The following AFDN variants were observed in gnomAD, a reference collection of about 807,000 sequenced individuals.
AFDN encodes the protein afadin.
In AFDN, 68 loss-of-function variants were observed where a neutral mutation model predicts 216.6. The ratio of observed to expected loss-of-function variants is 0.31; its 90% CI spans 0.26 to 0.38. The LOEUF (loss-of-function observed/expected upper bound fraction) is 0.38, where lower values mean the gene tolerates loss of function less well. Ranked by LOEUF, AFDN falls within the 10% of genes least tolerant of loss-of-function variation. The pLI is 1.00. For missense variants in AFDN, 2,136 were observed against 2,342.0 expected, an observed-to-expected ratio of 0.91 and a Z score of 1.82; for synonymous variants, 868 against 853.7, an observed-to-expected ratio of 1.02 and a Z score of -0.29.
At chr6:167,878,984 A>G (rs1562597827) in intron 5 of AFDN, among the ~76,000 whole-genome samples, 1 of 151,846 alleles carries the variant, frequency 6.6e-6, no homozygotes, top group East Asian at 1.9e-4. Flanking sequence ...ACAACCTTAT[A>G]TTTTTCACAA....
At chr6:167,947,231 G>C (rs1258595267) in intron 27 of AFDN, among the ~76,000 whole-genome samples, 1 of 150,964 alleles carries the variant, frequency 6.6e-6, no homozygotes, top group African/African-American at 2.4e-5. Flanking sequence ...CTGGAGTGCA[G>C]TGCAGTGGCG....
At chr6:167,931,796 AGCCCT>A (rs1197937772) in intron 23 of AFDN, among the ~76,000 whole-genome samples, 1 of 152,120 alleles carries the variant, frequency 6.6e-6, no homozygotes, top group Non-Finnish European at 1.5e-5. Context: ...TTTCACCGTT[AGCCCT>A]GCCCTGCGTC....
At chr6:167,948,618 G>A in intron 29 of AFDN, 140 bp downstream of exon 29, 4 of 728,676 alleles carry the variant, frequency 5.5e-6, no homozygotes, top group Admixed American at 3.2e-5. Flanking sequence ...TTAAGTTTGA[G>A]GAAAAAAGGA....
intron 2 of AFDN, among the ~76,000 whole-genome samples, chr6:167,867,491 A>G (rs573515548): frequency 1.2e-3 from 172 of 145,944 alleles, no homozygotes; most frequent in African/African-American, 3.8e-3. Flanking sequence ...GTGCAGCGGC[A>G]TGATCTTGGC....
At chr6:167,873,703 T>C (rs1052732394) in intron 4 of AFDN, among the ~76,000 whole-genome samples, 1 of 152,226 alleles carries the variant, frequency 6.6e-6, no homozygotes, top group Admixed American at 6.5e-5. Flanking sequence ...CAGAACAGTA[T>C]ATTATCTCTA....
At chr6:167,963,024 C>A in intron 31 of AFDN, 1 of 1,079,822 alleles carries the variant, frequency 9.3e-7, no homozygotes, top group Non-Finnish European at 1.1e-6. Context: ...TCACTCACTT[C>A]TGGTTGATGG....
intron 29 of AFDN, among the ~76,000 whole-genome samples, chr6:167,950,845 G>C (rs1583023646): frequency 6.7e-6 from 1 of 149,804 alleles, no homozygotes; most frequent in African/African-American, 2.4e-5. Flanking sequence ...GTACAGCTTT[G>C]CTTTTTTGCT....
chr6:167,949,666 A>G (rs1795738078), intron 29 of AFDN, among the ~76,000 whole-genome samples: 1 of 152,150 alleles, frequency 6.6e-6, no homozygotes, highest in Admixed American at 6.5e-5. Context: ...AAAATTGAGT[A>G]ATTTTGTGCC....
rs187487921 is a variant in AFDN at position 167,925,268 on chromosome 6, G to A, written c.3099+177G>A. On this transcript the variant is annotated intron_variant, in intron 23 of 33. Transcript: ENST00000683244. ...TGAATGAAGCCAGTGTGCTCACTGG[G>A]CCCAATTAGTTGAGGGATGATCTCC... Among the ~76,000 whole-genome samples, 3 of 152,320 alleles carry A rather than the reference G, an allele frequency of 2.0e-5. No individual in the cohort carries two copies. The East Asian group carries it at 5.8e-4, about 29-fold the overall frequency.
intron 1 of AFDN, chr6:167,863,904 C>A: frequency 2.4e-6 from 1 of 414,042 alleles, no homozygotes; most frequent in Middle Eastern, 3.7e-4. Flanking sequence ...AGTACTTGTG[C>A]TTTTTGCCAT....
chr6:167,866,667 ACTT>A lies in AFDN; in HGVS notation c.301+1925_301+1927del, dbSNP rs367759716. ...AGCTCCTCAGACCCTGGGAGCCCTGACTTCTTGTCCATGTTGATTTTCAGAGAG... is the reference window on the plus strand; with the variant it reads ...AGCTCCTCAGACCCTGGGAGCCCTGACTTGTCCATGTTGATTTTCAGAGAG... On this transcript the variant is annotated intron_variant, in intron 2 of 33. Coordinates refer to ENST00000683244, the MANE Select transcript of AFDN (RefSeq NM_001386888.1). Among the ~76,000 whole-genome samples the A allele has an allele frequency of 2.6e-5, 4 of 152,254 alleles. No individual in the cohort carries two copies. In the East Asian group the frequency reaches 5.8e-4, roughly 22 times the overall value.
At chr6:167,950,575 G>C (rs1795861109) in intron 29 of AFDN, among the ~76,000 whole-genome samples, 1 of 152,190 alleles carries the variant, frequency 6.6e-6, no homozygotes. Context: ...GCACAGCTCT[G>C]TCAGCCCAGA....
chr6:167,832,097 A>G (rs1456367396), intron 1 of AFDN, among the ~76,000 whole-genome samples: 1 of 152,238 alleles, frequency 6.6e-6, no homozygotes, highest in Non-Finnish European at 1.5e-5. Flanking sequence ...CTGATAGTAT[A>G]TAGGATATAC....
chr6:167,857,456 T>C (rs1349043117), intron 1 of AFDN, among the ~76,000 whole-genome samples: 1 of 152,070 alleles, frequency 6.6e-6, no homozygotes, highest in Non-Finnish European at 1.5e-5. Context: ...AGGAGAAATG[T>C]TACTTGGTAA....
chr6:167,927,622 C>T (rs560454694), intron 23 of AFDN, among the ~76,000 whole-genome samples: 2 of 152,202 alleles, frequency 1.3e-5, no homozygotes, highest in South Asian at 2.1e-4. Flanking sequence ...ACCCTTTTAG[C>T]GTATGGGTTG....
chr6:167,938,294 GGAGAATGAC>G (rs1490083965), intron 23 of AFDN, among the ~76,000 whole-genome samples: 8 of 152,156 alleles, frequency 5.3e-5, no homozygotes, highest in South Asian at 2.1e-4. Flanking sequence ...CGATTTGGGT[GGAGAATGAC>G]GAGAGAGGTT....
chr6:167,906,406 A>G (rs920766786), intron 12 of AFDN, among the ~76,000 whole-genome samples: 2 of 152,218 alleles, frequency 1.3e-5, no homozygotes, highest in Non-Finnish European at 2.9e-5. Context: ...CAGTACAGTA[A>G]TAATCGCTAG....
In AFDN at chr6:167,874,904, C is replaced by T. The variant is rs538561395; in HGVS notation, c.579-431C>T. On this transcript the variant is annotated intron_variant, in intron 4 of 33. Coordinates refer to ENST00000683244, the MANE Select transcript of AFDN (RefSeq NM_001386888.1). ...TGTTGGGATTATAGGCATGAGCCAT[C>T]ATGCCCAGCCTAAATTTACTGTAAT... is the stretch of plus-strand genomic sequence containing the variant. 8.5e-5 allele frequency among the ~76,000 whole-genome samples: 13 copies of T among 152,280 alleles called. No individual in the cohort carries two copies. The East Asian group carries it at 2.1e-3, about 25-fold the overall frequency.
At chr6:167,908,025 C>T (rs868493466) in intron 13 of AFDN, among the ~76,000 whole-genome samples, 26 of 152,312 alleles carry the variant, frequency 1.7e-4, no homozygotes, top group Middle Eastern at 3.4e-3. Flanking sequence ...CAGAGCTCTG[C>T]GGGAACTCAG....
Sources: gnomAD v4.1 joint callset for allele counts (sites outside exome capture counted in the v4.1 genomes callset) on GRCh38, gnomAD v4.1.1 for gene constraint, MANE v1.5 for transcripts, NCBI Gene and HGNC (gene_info 2026-07-23, HGNC 2026-07-21) for gene names.